The following BRCA1 variants were observed in gnomAD, a reference collection of about 807,000 sequenced individuals.
BRCA1 encodes the protein BRCA1 DNA repair associated.
In BRCA1, 140 loss-of-function variants were observed where a neutral mutation model predicts 173.7. That is an observed-to-expected ratio of 0.81 (90% CI 0.70 to 0.93). The LOEUF is 0.93. Among genes scored for constraint, BRCA1 ranks in the 40% least tolerant of loss-of-function variants. BRCA1 has a pLI of 0.00. For synonymous variants in BRCA1, 662 were observed against 756.0 expected (o/e 0.88, Z 2.04); for missense variants, 1,983 against 2,172.5 (o/e 0.91, Z 1.73).
intron 7 of BRCA1, among the ~76,000 whole-genome samples, chr17:43,098,396 T>G (rs1442310890): frequency 1.3e-5 from 2 of 152,146 alleles, no homozygotes; most frequent in Admixed American, 6.6e-5. Context: ...TCTCACTCTA[T>G]TGCCCAGGCT....
rs554026600 is a variant in BRCA1, at chr17:43,152,647, G to A, written c.-20+17479C>T. On this transcript the variant is annotated intron_variant, in intron 1 of 7. Transcript: ENST00000634433. Reference sequence around the variant, plus strand: ...AGGTGGGCGGATCACAAGGTTAGGAGATCGAGACCATCCTGGCTAACACAG... The same window carrying A: ...AGGTGGGCGGATCACAAGGTTAGGAAATCGAGACCATCCTGGCTAACACAG... Among the ~76,000 whole-genome samples, 50 of 152,272 alleles carry A rather than the reference G, an allele frequency of 3.3e-4. No individual in the cohort carries two copies. In the South Asian group the frequency reaches 6.6e-3, roughly 20 times the overall value.
chr17:43,099,944 G>A (rs2054312183), intron 6 of BRCA1, 64 bp from the exon 7 acceptor site: 3 of 1,262,224 alleles, frequency 2.4e-6, no homozygotes, highest in African/African-American at 1.5e-5. Flanking sequence ...TCCTCCTGAA[G>A]AGAAACTTGA....
intron 1 of BRCA1, among the ~76,000 whole-genome samples, chr17:43,136,720 C>G (rs2056027632): frequency 6.6e-6 from 1 of 152,194 alleles, no homozygotes; most frequent in Non-Finnish European, 1.5e-5. Flanking sequence ...ACATGCAAAT[C>G]AAAACCACAA....
At chr17:43,095,972 C>T (rs2154515823) in intron 8 of BRCA1, 50 bp from the exon 9 acceptor site, 1 of 1,429,980 alleles carries the variant, frequency 7.0e-7, no homozygotes, top group South Asian at 1.2e-5. Flanking sequence ...TACATGTATG[C>T]AGAACTGTCA....
At chr17:43,140,088 C>A in intron 1 of BRCA1, 1 of 354,466 alleles carries the variant, frequency 2.8e-6, no homozygotes, top group Non-Finnish European at 5.6e-6. Context: ...CATTCCCCAT[C>A]CTCTGGGGTG....
chr17:43,058,171 C>T (rs1248001774), intron 18 of BRCA1, among the ~76,000 whole-genome samples: 1 of 151,874 alleles, frequency 6.6e-6, no homozygotes, highest in African/African-American at 2.4e-5. Context: ...GAGCTGGAGA[C>T]CCAGCTGGGC....
Position 43,124,134 on chromosome 17 carries a change from A to G in BRCA1, c.-19-19T>C. 7.6e-7 allele frequency: 1 copy of G among 1,311,808 alleles called. No homozygotes were observed. Among genetic ancestry groups the G allele is most frequent in the South Asian group, 1.2e-5 (1 of 83,030 alleles). The allele number at this position is 1,311,808 out of a possible 1,614,324, so 81.3% of individuals were successfully genotyped here. ...CAATGAACTTTAACACATTAGAAAA[A>G]CATATATATATATCTTTTTAAAAGG... On this transcript the variant is annotated intron_variant, in intron 1 of 22. Coordinates refer to ENST00000357654, the MANE Select transcript of BRCA1 (RefSeq NM_007294.4).
chr17:43,161,305 G>A (rs1446033653), intron 1 of BRCA1: 6 of 152,124 alleles, frequency 3.9e-5, no homozygotes, highest in Non-Finnish European at 7.3e-5. Context: ...GTATCCCCAC[G>A]AGCCATCTTG....
rs758780152 is a variant in BRCA1 at position 43,047,728 on chromosome 17, A to T, written c.5407-25T>A. The stretch of plus-strand genomic sequence containing the variant: ...CCTGGATCCCCAGGAAGGAAAGAGC[A>T]TTCAAAGTGTCAAAGTAGGACTACT... On this transcript the variant is annotated intron_variant, in intron 21 of 22. Coordinates refer to ENST00000357654, the MANE Select transcript of BRCA1 (RefSeq NM_007294.4). 3.1e-6 allele frequency: 5 copies of T among 1,613,290 alleles called. No homozygotes were observed. The highest frequency in any genetic ancestry group is 4.2e-6 in the Non-Finnish European group (5 of 1,179,398).
intron 1 of BRCA1, among the ~76,000 whole-genome samples, chr17:43,144,018 A>G (rs1021682944): frequency 6.6e-6 from 1 of 152,136 alleles, no homozygotes; most frequent in Admixed American, 6.5e-5. Flanking sequence ...CAGGAGATCG[A>G]GACCATCCTG....
At chr17:43,104,426 G>A (rs1426422654) in intron 5 of BRCA1, among the ~76,000 whole-genome samples, 165 bp from the exon 6 acceptor site, 2 of 151,886 alleles carry the variant, frequency 1.3e-5, no homozygotes, top group African/African-American at 4.8e-5. Flanking sequence ...AAAATCAACT[G>A]GAAATTTTAC....
upstream of BRCA1, among the ~76,000 whole-genome samples, chr17:43,129,007 A>G (rs1244645009): frequency 2.0e-5 from 3 of 152,100 alleles, no homozygotes; most frequent in Admixed American, 6.5e-5. Flanking sequence ...GACAGTAACC[A>G]AAGTTCGGGT....
At chr17:43,123,967 A>G in intron 2 of BRCA1, 50 bp downstream of exon 2, 3 of 1,387,462 alleles carry the variant, frequency 2.2e-6, no homozygotes, top group Middle Eastern at 1.8e-4. Flanking sequence ...TCATTTGCAT[A>G]GGAGATAATC....
upstream of BRCA1, among the ~76,000 whole-genome samples, chr17:43,128,000 G>A (rs2055928809): frequency 6.9e-6 from 1 of 145,202 alleles, no homozygotes; most frequent in African/African-American, 2.6e-5. Flanking sequence ...TTCCAGCCTG[G>A]GTGACAGAGG....
At chr17:43,137,385 C>T (rs1434094962) in intron 1 of BRCA1, among the ~76,000 whole-genome samples, 5 of 151,212 alleles carry the variant, frequency 3.3e-5, no homozygotes, top group Non-Finnish European at 7.4e-5. Context: ...ATGTAACAAA[C>T]CTGCACGTTG....
At chr17:43,087,667 A>G (rs556216804) in intron 11 of BRCA1, among the ~76,000 whole-genome samples, 3 of 151,180 alleles carry the variant, frequency 2.0e-5, no homozygotes, top group Non-Finnish European at 4.4e-5. Flanking sequence ...CATCTCAGAA[A>G]AAAAAAAAAA....
At chr17:43,151,499 A>G (rs1440946867) in intron 1 of BRCA1, among the ~76,000 whole-genome samples, 3 of 152,210 alleles carry the variant, frequency 2.0e-5, no homozygotes, top group African/African-American at 7.2e-5. Context: ...AAACAAAAAC[A>G]AAAACAAAAA....
At chr17:43,115,153 C>A (rs1213447791) in intron 3 of BRCA1, among the ~76,000 whole-genome samples, 1 of 152,124 alleles carries the variant, frequency 6.6e-6, no homozygotes, top group African/African-American at 2.4e-5. Flanking sequence ...AGTTTGCTTT[C>A]ACTGATGGAC....
chr17:43,079,638 A>C (rs2052909966), intron 12 of BRCA1: 1 of 852,206 alleles, frequency 1.2e-6, no homozygotes, highest in African/African-American at 1.7e-5. Flanking sequence ...GAAAATGATC[A>C]GAAAAAGAAA....
Sources: allele counts gnomAD v4.1 joint callset (sites outside exome capture counted in the v4.1 genomes callset), GRCh38; gene constraint gnomAD v4.1.1; transcripts MANE v1.5; gene names NCBI Gene and HGNC (gene_info 2026-07-23, HGNC 2026-07-21).